The following DOCK2 variants were observed in gnomAD, a reference collection of about 807,000 sequenced individuals.
DOCK2 encodes the protein dedicator of cytokinesis protein 2.
In DOCK2, 87 loss-of-function variants were observed where a neutral mutation model predicts 248.9. The observed-to-expected ratio is 0.35, with a 90% confidence interval of 0.29 to 0.42. DOCK2 has a LOEUF of 0.42. DOCK2 is among the 10% of genes least tolerant of loss of function. The pLI, the probability that DOCK2 is intolerant of heterozygous loss-of-function variation, is 1.00. For synonymous variants in DOCK2, 805 were observed against 821.6 expected, an observed-to-expected ratio of 0.98 and a Z score of 0.35; for missense variants, 1,747 against 2,300.2, an observed-to-expected ratio of 0.76 and a Z score of 4.92.
At chr5:169,931,364 GGCTTGCCTTGATATT>G (rs1256859430) in intron 27 of DOCK2, among the ~76,000 whole-genome samples, 2 of 152,124 alleles carry the variant, frequency 1.3e-5, no homozygotes, top group African/African-American at 4.8e-5. Flanking sequence ...TCTCTCAAAG[GGCTTGCCTTGATATT>G]GCCGCCTCTC....
At chr5:169,784,102 G>A (rs1489308935) in intron 25 of DOCK2, among the ~76,000 whole-genome samples, 10 of 147,144 alleles carry the variant, frequency 6.8e-5, no homozygotes, top group African/African-American at 1.7e-4. Context: ...TCTGTTGTGC[G>A]TGGATTGTGG....
intron 30 of DOCK2, among the ~76,000 whole-genome samples, chr5:170,006,666 G>A (rs574349766): frequency 6.6e-5 from 10 of 152,154 alleles, no homozygotes; most frequent in Non-Finnish European, 1.5e-4. Context: ...GGTGATAAAG[G>A]TCCAAGTAAA....
At chr5:170,021,303 C>T (rs184216747) in intron 33 of DOCK2, among the ~76,000 whole-genome samples, 28 of 152,268 alleles carry the variant, frequency 1.8e-4, no homozygotes, top group African/African-American at 5.1e-4. Flanking sequence ...CTTGGGACCA[C>T]GTAAAGGGCA....
At chr5:169,926,323 A>G (rs1263802445) in intron 27 of DOCK2, among the ~76,000 whole-genome samples, 2 of 152,192 alleles carry the variant, frequency 1.3e-5, no homozygotes, top group Non-Finnish European at 2.9e-5. Flanking sequence ...ATAGGATGGC[A>G]CTGTTCTTAC....
intron 27 of DOCK2, among the ~76,000 whole-genome samples, chr5:169,977,898 C>A (rs367629258): frequency 1.3e-5 from 2 of 152,274 alleles, no homozygotes; most frequent in South Asian, 2.1e-4. Context: ...ACAGACAGCA[C>A]CAATTTCATC....
chr5:169,875,498 T>C, intron 27 of DOCK2: 1 of 325,218 alleles, frequency 3.1e-6, no homozygotes, highest in South Asian at 2.5e-5. Flanking sequence ...GGCAGCATGC[T>C]GTGGAATCTG....
intron 22 of DOCK2, among the ~76,000 whole-genome samples, chr5:169,727,004 G>A (rs139770401): frequency 1.3e-5 from 2 of 151,584 alleles, no homozygotes; most frequent in African/African-American, 2.4e-5. Context: ...GGGGGTGGAG[G>A]TTGCAGTGAG....
chr5:169,649,336 A>G (rs1757668060), intron 1 of DOCK2, among the ~76,000 whole-genome samples: 1 of 152,246 alleles, frequency 6.6e-6, no homozygotes, highest in African/African-American at 2.4e-5. Context: ...CGATGGCTGC[A>G]ATCAAAATTG....
In DOCK2 at chr5:169,978,397, G is replaced by T. The variant is rs1051774712; in HGVS notation, c.2800-4671G>T. On this transcript the variant is annotated intron_variant, in intron 27 of 51. Transcript: ENST00000520908. ...TGTATGTGTGTGTGTGTGTGTGGGG[G>T]GGGGGGGGTGTAGGTGTGTTTGCAT... Among the ~76,000 whole-genome samples, 557 of 143,782 alleles carry T rather than the reference G, an allele frequency of 3.9e-3. 30 individuals are homozygous for T. Among genetic ancestry groups the T allele is most frequent in the African/African-American group, 0.013 (501 of 38,514 alleles). The allele number at this position is 143,782 out of a possible 152,430, so 94.3% of individuals were successfully genotyped here.
chr5:169,951,941 A>G (rs1180873847), intron 27 of DOCK2, among the ~76,000 whole-genome samples: 1 of 152,210 alleles, frequency 6.6e-6, no homozygotes, highest in Non-Finnish European at 1.5e-5. Flanking sequence ...CCTAGGCTCT[A>G]TGTTATTCTG....
intron 27 of DOCK2, among the ~76,000 whole-genome samples, chr5:169,965,933 CTG>C (rs1184051273): frequency 4.6e-5 from 7 of 152,210 alleles, no homozygotes; most frequent in African/African-American, 1.7e-4. Context: ...AGATTATCCA[CTG>C]GAAAAAGGCT....
chr5:169,795,579 T>C (rs1468085051), intron 25 of DOCK2, among the ~76,000 whole-genome samples: 1 of 152,156 alleles, frequency 6.6e-6, no homozygotes, highest in African/African-American at 2.4e-5. Flanking sequence ...ATGAAATTTG[T>C]GGGTAGTTAT....
intron 36 of DOCK2, 81 bp downstream of exon 36, chr5:170,036,636 C>T: frequency 7.2e-7 from 1 of 1,386,118 alleles, no homozygotes; most frequent in Non-Finnish European, 9.9e-7. Context: ...CTGCTGCCTT[C>T]AGGATAAAAT....
intron 2 of DOCK2, among the ~76,000 whole-genome samples, chr5:169,666,087 G>A (rs193019480): frequency 6.6e-5 from 10 of 152,230 alleles, no homozygotes; most frequent in Admixed American, 6.5e-4. Flanking sequence ...TACTTATGGA[G>A]ACTGGAAAGT....
chr5:170,055,669 G>A (rs1330137384), intron 42 of DOCK2, among the ~76,000 whole-genome samples: 2 of 152,246 alleles, frequency 1.3e-5, no homozygotes, highest in South Asian at 2.1e-4. Flanking sequence ...CAGCCTATTT[G>A]TTGCTCAGGT....
At chr5:169,700,765 C>T (rs1760919203) in intron 13 of DOCK2, among the ~76,000 whole-genome samples, 1 of 152,014 alleles carries the variant, frequency 6.6e-6, no homozygotes, top group South Asian at 2.1e-4. Flanking sequence ...ACAAACCAGA[C>T]TGAAAATCAA....
At chr5:170,036,925 C>A (rs866819004) in intron 36 of DOCK2, among the ~76,000 whole-genome samples, 1 of 152,058 alleles carries the variant, frequency 6.6e-6, no homozygotes, top group Non-Finnish European at 1.5e-5. Flanking sequence ...ATTGACTAGC[C>A]CAGTTTTGAA....
At chr5:169,775,403 A>T (rs1320591300) in intron 25 of DOCK2, among the ~76,000 whole-genome samples, 1 of 152,168 alleles carries the variant, frequency 6.6e-6, no homozygotes, top group Non-Finnish European at 1.5e-5. Flanking sequence ...ATGCAGACAC[A>T]GTGCTGCTTG....
chr5:170,004,517 C>T (rs375160594), intron 30 of DOCK2, among the ~76,000 whole-genome samples: 1 of 152,070 alleles, frequency 6.6e-6, no homozygotes, highest in African/African-American at 2.4e-5. Context: ...GGCGATTCCT[C>T]AGGGATCTAG....
Sources: gnomAD v4.1 joint callset for allele counts (sites outside exome capture counted in the v4.1 genomes callset) on GRCh38, gnomAD v4.1.1 for gene constraint, MANE v1.5 for transcripts, NCBI Gene and HGNC (gene_info 2026-07-23, HGNC 2026-07-21) for gene names.